Variants in MOV10 observed in about 807,000 individuals in gnomAD.
The protein encoded by MOV10 is RNA helicase MOV-10.
Under a neutral mutation model 108.4 loss-of-function variants are expected in MOV10, and 39 were observed. The ratio of observed to expected loss-of-function variants is 0.36; its 90% CI spans 0.28 to 0.47. The LOEUF (loss-of-function observed/expected upper bound fraction) is 0.47, where lower values mean the gene tolerates loss of function less well. Among genes scored for constraint, MOV10 ranks in the 20% least tolerant of loss-of-function variants. The pLI is 1.00. For synonymous variants in MOV10, 490 were observed against 523.1 expected, an observed-to-expected ratio of 0.94 and a Z score of 0.86; for missense variants, 952 against 1,297.6, an observed-to-expected ratio of 0.73 and a Z score of 4.09.
rs1674257331 is a variant in MOV10 at position 112,697,933 on chromosome 1, G to T, written c.2199-61G>T. ...GTGGGCCCAGAGTGGGTAGAGCGGA[G>T]CCCCTGTAGGGCAGAGGGAATCTGA... On this transcript the variant is annotated intron_variant, in intron 14 of 20. Transcript: ENST00000369645. 1.1e-5 allele frequency: 16 copies of T among 1,403,578 alleles called. 1 individual carries two copies. The South Asian group carries it at 1.7e-4, about 15-fold the overall frequency. 86.9% of individuals were successfully genotyped at this position (1,403,578 alleles called of 1,614,324 possible). A position where few individuals can be genotyped will look rare whatever the true frequency, so the allele number is the denominator to read the frequency against.
In MOV10 at chr1:112,694,065, C is replaced by T. The variant is rs1433863808; in HGVS notation, c.1188C>T (p.His396=). 1 of 1,613,968 alleles carries T rather than the reference C, an allele frequency of 6.2e-7. No individual in the cohort carries two copies. The highest frequency in any genetic ancestry group is 8.5e-7 in the Non-Finnish European group (1 of 1,179,932). The part of the protein sequence containing the change: ...ESRPSVLRGD[H]LFALLSSETH... ...GCCCCTCAGTGCTACGGGGCGACCA[C>T]CTGTTTGCCCTTTTGTCCTCGGAGA... Residue 396 remains histidine (H), a synonymous_variant, in exon 8 of 21, where the codon CAC becomes CAT. Transcript: ENST00000369645. This position sits in a 1 kb window ranked among gnomAD's most constrained non-coding sequence, Gnocchi z 4.1.
rs1673587675 is a variant in MOV10, at chr1:112,691,571, T to C, written c.837-94T>C. ...TGCTGACTTCCCTTCAGCAGTAGGA[T>C]TGCAGGAGGGCTTTGTGCATCCACC... On this transcript the variant is annotated intron_variant, in intron 5 of 20. Coordinates refer to ENST00000369645, the MANE Select transcript of MOV10 (RefSeq NM_001321324.2). The C allele has an allele frequency of 4.0e-6, 6 of 1,489,470 alleles. No individual in the cohort carries two copies. In the Admixed American group the frequency reaches 7.7e-5, roughly 19 times the overall value. The allele number at this position is 1,489,470 out of a possible 1,614,324, so 92.3% of individuals were successfully genotyped here.
At chr1:112,688,590 A>G (rs1489781756) in intron 2 of MOV10, 1 of 1,196,292 alleles carries the variant, frequency 8.4e-7, no homozygotes, top group Non-Finnish European at 1.0e-6. Flanking sequence ...TTCTGTCCCA[A>G]ACAGTTTCCC....
rs114308170 is a variant in MOV10, at chr1:112,700,447, G to A, written c.2952G>A (p.Glu984=). The change falls in exon 21 of 21, where the codon GAG becomes GAA. Residue 984 remains glutamate (E), a synonymous_variant. Coordinates refer to ENST00000369645, the MANE Select transcript of MOV10 (RefSeq NM_001321324.2). ...GPHSHDYLPQ[E]REGEGGLSLQ... ...ACAGCCATGACTACCTCCCCCAGGA[G>A]CGGGAGGGTGAAGGGGGCCTGTCTC... The A allele has an allele frequency of 1.2e-6, 2 of 1,613,870 alleles. No homozygotes were observed. The highest frequency in any genetic ancestry group is 2.2e-5 in the East Asian group (1 of 44,864).
rs1672154661 is a variant in MOV10 at position 112,675,733 on chromosome 1, C to T, written c.137+684C>T. On this transcript the variant is annotated intron_variant, in intron 2 of 20. Transcript: ENST00000369645. This position sits in a 1 kb window ranked among gnomAD's most constrained non-coding sequence, Gnocchi z 4.7. ...GCTCTTTGGTCTCCTTTTCCTGCTA[C>T]CACCCAAGTGAAAATCAAAGAGTCT... Among the ~76,000 whole-genome samples, 3 of 152,226 alleles carry T rather than the reference C, an allele frequency of 2.0e-5. No individual in the cohort carries two copies. In the South Asian group the frequency reaches 6.2e-4, roughly 31 times the overall value.
At position 112,694,627 on chromosome 1, in the gene MOV10, CAAGT is replaced by C; in HGVS notation, c.1471_1472+2del. The stretch of plus-strand genomic sequence containing the variant: ...CGCTGCTGCCCTCAGATGTGAAACT[CAAGT>C]GAGACTGTGGGCAGGGAGCTTCTGG... On this transcript the variant is annotated splice_donor_variant and coding_sequence_variant, in exon 9 of 21. Coordinates refer to ENST00000369645, the MANE Select transcript of MOV10 (RefSeq NM_001321324.2). LOFTEE classifies it high-confidence loss of function. This position sits in a 1 kb window ranked among gnomAD's most constrained non-coding sequence, Gnocchi z 4.1. The C allele has an allele frequency of 1.3e-6, 2 of 1,598,524 alleles. No individual in the cohort carries two copies. The highest frequency in any genetic ancestry group is 1.7e-6 in the Non-Finnish European group (2 of 1,170,842).
Position 112,675,091 on chromosome 1 carries a change from C to T in MOV10, c.137+42C>T. 1 of 1,567,714 alleles carries T rather than the reference C, an allele frequency of 6.4e-7. No homozygotes were observed. Among genetic ancestry groups the T allele is most frequent in the Non-Finnish European group, 8.6e-7 (1 of 1,161,488 alleles). On this transcript the variant is annotated intron_variant, in intron 2 of 20. Transcript: ENST00000369645. This position sits in a 1 kb window ranked among gnomAD's most constrained non-coding sequence, Gnocchi z 4.7. ...TCCCGGCCCCGAATCGCGGGCCCAG[C>T]TTGCTGCCACGACCCCCGCGCGAGG...
In MOV10 at chr1:112,698,273, G is replaced by A. The variant is rs1570811216; in HGVS notation, c.2317-14G>A. 1.2e-5 allele frequency: 20 copies of A among 1,609,548 alleles called. No individual in the cohort carries two copies. The highest frequency in any genetic ancestry group is 2.2e-5 in the East Asian group (1 of 44,814). Reference sequence around the variant, plus strand: ...GGTGGTCTGGCTGACGGTTTCCCCCGACCCCATGTCCAGGGCTTTCCCATC... The same window carrying A: ...GGTGGTCTGGCTGACGGTTTCCCCCAACCCCATGTCCAGGGCTTTCCCATC... On this transcript the variant is annotated splice_polypyrimidine_tract_variant and intron_variant, in intron 15 of 20. Coordinates refer to ENST00000369645, the MANE Select transcript of MOV10 (RefSeq NM_001321324.2).
Position 112,688,306 on chromosome 1 carries a change from T to C in MOV10, c.138-629T>C, listed in dbSNP as rs959034148. ...AGGTTATTGTCCTTCTGACCAGTTT[T>C]CCCTGTCTTCACCTTCTCTAGGCAC... On this transcript the variant is annotated intron_variant, in intron 2 of 20. Transcript: ENST00000369645. 3 of 983,530 alleles carry C rather than the reference T, an allele frequency of 3.1e-6. No individual in the cohort carries two copies. The African/African-American group carries it at 5.3e-5, about 17-fold the overall frequency. The allele number at this position is 983,530 out of a possible 1,614,324, so 60.9% of individuals were successfully genotyped here. A position where few individuals can be genotyped will look rare whatever the true frequency, so the allele number is the denominator to read the frequency against.
intron 10 of MOV10, 150 bp from the exon 11 acceptor site, chr1:112,695,266 G>A: frequency 1.3e-6 from 1 of 744,302 alleles, no homozygotes; most frequent in Admixed American, 2.9e-5. Flanking sequence ...GGGTAAATGT[G>A]GCTGTGGAGC....
rs1250655471 is a variant in MOV10 at position 112,674,888 on chromosome 1, T to G, written c.-25T>G. On this transcript the variant is annotated 5_prime_UTR_variant, in exon 2 of 21. Transcript: ENST00000369645. ...TCAGTTTCATTTCCACGGACCCTCC[T>G]GCCTGGGCCGCAGCCGCCGCCGCGA... is the stretch of plus-strand genomic sequence containing the variant. The G allele has an allele frequency of 6.4e-7, 1 of 1,550,636 alleles. No individual in the cohort carries two copies. Among genetic ancestry groups the G allele is most frequent in the Non-Finnish European group, 8.7e-7 (1 of 1,152,914 alleles).
intron 16 of MOV10, 54 bp from the exon 17 acceptor site, chr1:112,698,661 C>G (rs1242296715): frequency 1.3e-6 from 2 of 1,569,098 alleles, no homozygotes; most frequent in Non-Finnish European, 1.8e-6. Flanking sequence ...TGCCAGGCTC[C>G]CTCTTGCATT....
chr1:112,690,800 T>G (rs1673512763), intron 5 of MOV10, among the ~76,000 whole-genome samples: 1 of 152,194 alleles, frequency 6.6e-6, no homozygotes, highest in African/African-American at 2.4e-5. Flanking sequence ...TTTAGAACAT[T>G]TCATTATCCC....
At position 112,691,810 on chromosome 1, in the gene MOV10, T is replaced by TC; in HGVS notation, c.971+14dup. ...GATCGCAGAGATCAAGTAAGTACCA[T>TC]CCCTCTGCACCCCGCACTCTCCCGT... On this transcript the variant is annotated intron_variant, in intron 6 of 20. Transcript: ENST00000369645. The TC allele has an allele frequency of 6.2e-7, 1 of 1,610,564 alleles. No homozygotes were observed. The highest frequency in any genetic ancestry group is 8.5e-7 in the Non-Finnish European group (1 of 1,177,146).
rs566097683 is a variant in MOV10 at position 112,684,494 on chromosome 1, C to T, written c.138-4441C>T. Among the ~76,000 whole-genome samples the T allele has an allele frequency of 3.3e-5, 5 of 152,042 alleles. No individual in the cohort carries two copies. The East Asian group carries it at 5.8e-4, about 18-fold the overall frequency. ...TGCAGGTCAGGCTGGTCTCAAACTC[C>T]CGACCTCAGGTGATCCGCCCGCCTC... On this transcript the variant is annotated intron_variant, in intron 2 of 20. Transcript: ENST00000369645.
chr1:112,686,208 C>T (rs2101321496), intron 2 of MOV10, among the ~76,000 whole-genome samples: 1 of 152,290 alleles, frequency 6.6e-6, no homozygotes, highest in East Asian at 1.9e-4. Context: ...TATTCTTACA[C>T]TAGTGACTCT....
intron 7 of MOV10, among the ~76,000 whole-genome samples, chr1:112,693,167 C>G (rs1400980450): frequency 6.6e-6 from 1 of 152,238 alleles, no homozygotes; most frequent in Non-Finnish European, 1.5e-5. Flanking sequence ...CTGGCTTTCT[C>G]TAAGCCTTAG....
intron 2 of MOV10, among the ~76,000 whole-genome samples, chr1:112,681,792 T>C (rs1307674485): frequency 6.6e-6 from 1 of 151,172 alleles, no homozygotes; most frequent in African/African-American, 2.5e-5. Context: ...CAGACATCAG[T>C]ACACTTCACT....
At chr1:112,689,199 T>G in intron 3 of MOV10, 61 bp downstream of exon 3, 27 of 1,455,284 alleles carry the variant, frequency 1.9e-5, no homozygotes, top group Non-Finnish European at 2.6e-5. Context: ...GGAAGGGGGC[T>G]ATCTGTGTGA....
Sources: allele counts gnomAD v4.1 joint callset (sites outside exome capture counted in the v4.1 genomes callset), GRCh38; gene constraint gnomAD v4.1.1; non-coding constraint Gnocchi (gnomAD v3.1); transcripts MANE v1.5; gene names NCBI Gene and HGNC (gene_info 2026-07-23, HGNC 2026-07-21).